The following SHOC1 variants were observed in gnomAD, a reference collection of about 807,000 sequenced individuals.
SHOC1 encodes the protein protein shortage in chiasmata 1 ortholog.
SHOC1 carries 136 observed loss-of-function variants against 179.2 expected under a neutral mutation model. The ratio of observed to expected loss-of-function variants is 0.76; its 90% CI spans 0.66 to 0.87. The LOEUF (loss-of-function observed/expected upper bound fraction) is 0.87, where lower values mean the gene tolerates loss of function less well. SHOC1 is among the 40% of genes least tolerant of loss of function. The probability of loss-of-function intolerance (pLI) is 0.00; values close to 1 mark genes in which losing one functional copy is unlikely to be tolerated. For missense variants in SHOC1, 1,538 were observed against 1,700.8 expected (o/e 0.90, Z 1.68); for synonymous variants, 489 against 586.6 (o/e 0.83, Z 2.41).
chr9:111,759,952 G>C (rs947821769), intron 5 of SHOC1, among the ~76,000 whole-genome samples: 2 of 152,178 alleles, frequency 1.3e-5, no homozygotes, highest in South Asian at 4.1e-4. Context: ...AGCTTCCCAT[G>C]ACACACCAAA....
intron 18 of SHOC1, among the ~76,000 whole-genome samples, chr9:111,709,730 T>C (rs1832452039): frequency 6.6e-6 from 1 of 152,208 alleles, no homozygotes. Flanking sequence ...CTATAGTCAG[T>C]AATAACTTAA....
intron 5 of SHOC1, among the ~76,000 whole-genome samples, chr9:111,768,483 T>TA (rs1384385263): frequency 2.0e-5 from 3 of 152,220 alleles, no homozygotes; most frequent in Admixed American, 6.5e-5. Flanking sequence ...CCTCCCATAG[T>TA]GCTGGGATTA....
rs1415076665 is a variant in SHOC1 at position 111,692,982 on chromosome 9, TTGAATTTATC to T, written c.3466-481_3466-472del. 3.2e-4 allele frequency among the ~76,000 whole-genome samples: 48 copies of T among 152,308 alleles called. 1 individual carries two copies. The highest frequency in any genetic ancestry group is 1.2e-3 in the African/African-American group (48 of 41,580). ...CCAAAATGATTTAAAGCTGACTATA[TTGAATTTATC>T]TGTATAAAATAGCTTTAGAATGTAT... On this transcript the variant is annotated intron_variant, in intron 26 of 27. Transcript: ENST00000682961.
intron 24 of SHOC1, among the ~76,000 whole-genome samples, chr9:111,699,656 T>A (rs1831871729): frequency 6.6e-6 from 1 of 152,180 alleles, no homozygotes; most frequent in African/African-American, 2.4e-5. Context: ...GCTTAGTACA[T>A]CTTTCATAAG....
Position 111,728,111 on chromosome 9 carries a change from T to C in SHOC1, c.1418-62A>G. 1.7e-6 allele frequency: 2 copies of C among 1,166,102 alleles called. 1 individual carries two copies. Among genetic ancestry groups the C allele is most frequent in the South Asian group, 4.0e-5 (2 of 50,016 alleles). 72.2% of individuals were successfully genotyped at this position (1,166,102 alleles called of 1,614,324 possible). A position where few individuals can be genotyped will look rare whatever the true frequency, so the allele number is the denominator to read the frequency against. ...ACACCTAAACGAGTGTTCTATTAGG[T>C]ATTTGAATAACTTTTAGTTGTGGTT... On this transcript the variant is annotated intron_variant, in intron 12 of 27. Coordinates refer to ENST00000682961, the MANE Select transcript of SHOC1 (RefSeq NM_001378211.1).
At chr9:111,772,091 CTT>C (rs1253497191) in intron 5 of SHOC1, among the ~76,000 whole-genome samples, 2 of 151,838 alleles carry the variant, frequency 1.3e-5, no homozygotes, top group African/African-American at 4.8e-5. Flanking sequence ...TGTTCTTTTT[CTT>C]TCTTTTTTCT....
intron 5 of SHOC1, chr9:111,759,273 C>T (rs368051256): frequency 3.7e-5 from 59 of 1,613,176 alleles, no homozygotes; most frequent in Non-Finnish European, 5.0e-5. Context: ...AATTCATCCC[C>T]CAGAGTCTCT....
chr9:111,692,025 A>T lies in SHOC1; in HGVS notation c.3952T>A (p.Ser1318Thr). The T allele has an allele frequency of 6.2e-7, 1 of 1,613,410 alleles. No homozygotes were observed. The highest frequency in any genetic ancestry group is 8.5e-7 in the Non-Finnish European group (1 of 1,179,740). Reference protein sequence around the residue: ...KSPTDTQKRVSVVPRFINSQK... With the variant: ...KSPTDTQKRVTVVPRFINSQK... ...GAATTTATAAAACGGGGGACAACTG[A>T]CACTCTCTTCTGAGTGTCAGTTGGT... is the stretch of plus-strand genomic sequence containing the variant. Residue 1318 changes from serine (S) to threonine (T), a missense_variant, in exon 27 of 28, where the codon TCA becomes ACA. Transcript: ENST00000682961.
At chr9:111,749,464 T>C (rs1237072955) in intron 8 of SHOC1, among the ~76,000 whole-genome samples, 4 of 152,226 alleles carry the variant, frequency 2.6e-5, no homozygotes, top group Non-Finnish European at 5.9e-5. Context: ...ATTAATTCTA[T>C]TGCTCAAAGT....
chr9:111,785,400 CTA>C (rs1206170884), intron 3 of SHOC1, among the ~76,000 whole-genome samples: 1 of 69,568 alleles, frequency 1.4e-5, no homozygotes, highest in Non-Finnish European at 2.9e-5. Flanking sequence ...GAGACTACTT[CTA>C]TGTCTTTTAA....
chr9:111,705,822 A>T (rs1441401986), intron 20 of SHOC1, among the ~76,000 whole-genome samples: 1 of 152,110 alleles, frequency 6.6e-6, no homozygotes, highest in Non-Finnish European at 1.5e-5. Flanking sequence ...CATTTTACAG[A>T]TCAATAAGAA....
intron 8 of SHOC1, among the ~76,000 whole-genome samples, chr9:111,748,745 C>CT (rs1460527435): frequency 2.0e-5 from 1 of 49,984 alleles, no homozygotes; most frequent in Non-Finnish European, 3.7e-5. Flanking sequence ...GCCTGCCTTC[C>CT]TTTTTTCCTT....
chr9:111,755,346 A>T (rs1834807293), intron 8 of SHOC1, among the ~76,000 whole-genome samples: 2 of 152,228 alleles, frequency 1.3e-5, no homozygotes, highest in Admixed American at 6.5e-5. Flanking sequence ...TTGCAGGCAG[A>T]ACAGTAATTC....
Position 111,738,262 on chromosome 9 carries a change from T to C in SHOC1, c.1417+18A>G. On this transcript the variant is annotated intron_variant, in intron 12 of 27. Transcript: ENST00000682961. ...CTGAAAATGTTTACATAACTAATAT[T>C]TACTGTGATGTACTTACATTCTAAT... is the stretch of plus-strand genomic sequence containing the variant. 6.3e-7 allele frequency: 1 copy of C among 1,591,394 alleles called. No homozygotes were observed. The highest frequency in any genetic ancestry group is 8.6e-7 in the Non-Finnish European group (1 of 1,165,090).
chr9:111,714,255 C>A (rs142282328), intron 17 of SHOC1, among the ~76,000 whole-genome samples, 190 bp downstream of exon 17: 84 of 152,242 alleles, frequency 5.5e-4, no homozygotes, highest in Non-Finnish European at 9.6e-4. Context: ...AAATTTGAGA[C>A]ATGAATAATG....
intron 11 of SHOC1, among the ~76,000 whole-genome samples, chr9:111,740,083 AT>A (rs1227354136): frequency 2.0e-5 from 3 of 151,950 alleles, no homozygotes; most frequent in Admixed American, 6.6e-5. Flanking sequence ...CTTAAGAGAA[AT>A]TTTTTTTCTT....
chr9:111,695,917 C>T (rs1831666795), intron 24 of SHOC1, among the ~76,000 whole-genome samples: 2 of 152,210 alleles, frequency 1.3e-5, no homozygotes, highest in African/African-American at 4.8e-5. Context: ...CGAGATATTT[C>T]GTGGCAAAGT....
chr9:111,688,828 T>TG (rs11447935), intron 27 of SHOC1, among the ~76,000 whole-genome samples: 89,958 of 151,854 alleles, frequency 0.59, 28,688 homozygotes, highest in African/African-American at 0.82. Flanking sequence ...TTTTCCCTCA[T>TG]AGCTTGATCC....
At chr9:111,743,353 A>T (rs1170990305) in intron 10 of SHOC1, among the ~76,000 whole-genome samples, 2 of 152,236 alleles carry the variant, frequency 1.3e-5, no homozygotes, top group Non-Finnish European at 2.9e-5. Flanking sequence ...CCAAACTATT[A>T]AACAGAATAT....
Sources: allele counts gnomAD v4.1 joint callset (sites outside exome capture counted in the v4.1 genomes callset), GRCh38; gene constraint gnomAD v4.1.1; transcripts MANE v1.5; gene names NCBI Gene and HGNC (gene_info 2026-07-23, HGNC 2026-07-21).